LCP2: variants seen among roughly 807,000 people sequenced by gnomAD.
LCP2 encodes lymphocyte cytosolic protein 2, also known as 76 kDa tyrosine phosphoprotein.
In LCP2, 29 loss-of-function variants were observed where a neutral mutation model predicts 74.5. The observed-to-expected ratio is 0.39, with a 90% CI of 0.29 to 0.53. The LOEUF (loss-of-function observed/expected upper bound fraction) is 0.53, where lower values mean the gene tolerates loss of function less well. Ranked by LOEUF, LCP2 falls within the 20% of genes least tolerant of loss-of-function variation. The pLI is 0.72. For missense variants in LCP2, 604 were observed against 634.6 expected, an observed-to-expected ratio of 0.95 and a Z score of 0.52; for synonymous variants, 228 against 229.5, an observed-to-expected ratio of 0.99 and a Z score of 0.06.
At chr5:170,252,596 A>G (rs1311821889) in intron 18 of LCP2, 85 bp from the exon 19 acceptor site, 6 of 661,318 alleles carry the variant, frequency 9.1e-6, no homozygotes, top group Admixed American at 2.6e-5. Flanking sequence ...AATCATTTCC[A>G]TAAATCAACA....
chr5:170,276,352 T>C (rs1762007666), intron 3 of LCP2, among the ~76,000 whole-genome samples: 1 of 152,198 alleles, frequency 6.6e-6, no homozygotes, highest in African/African-American at 2.4e-5. Flanking sequence ...AGATTTCTTA[T>C]CACAACCTCT....
In LCP2 at chr5:170,247,328, A is replaced by G. The variant is rs1302517133; in HGVS notation, c.*1369T>C. ...GAAACACCATTTTTATCATCAGTTAAAAGTCTCTACCTTCTGCATACTCCT... is the reference window on the plus strand; with the variant it reads ...GAAACACCATTTTTATCATCAGTTAGAAGTCTCTACCTTCTGCATACTCCT... On this transcript the variant is annotated 3_prime_UTR_variant, in exon 21 of 21. Transcript: ENST00000046794. The G allele has an allele frequency of 1.3e-5, 2 of 152,214 alleles. No homozygotes were observed. The highest frequency in any genetic ancestry group is 4.8e-5 in the African/African-American group (2 of 41,450). 9.4% of individuals were successfully genotyped at this position (152,214 alleles called of 1,614,324 possible).
At chr5:170,275,632 G>A (rs977821500) in intron 4 of LCP2, 163 bp downstream of exon 4, 4 of 682,722 alleles carry the variant, frequency 5.9e-6, no homozygotes, top group African/African-American at 5.4e-5. Flanking sequence ...TGCAGAGCAG[G>A]GGAGGGAACC....
At chr5:170,258,243 C>A (rs1761593637) in intron 15 of LCP2, 77 bp from the exon 16 acceptor site, 1 of 1,450,908 alleles carries the variant, frequency 6.9e-7, no homozygotes, top group Non-Finnish European at 9.6e-7. Flanking sequence ...AACCGCCCCC[C>A]AGTTAGAAAC....
intron 2 of LCP2, among the ~76,000 whole-genome samples, chr5:170,290,998 AAGAG>A (rs746159566): frequency 0.073 from 6,167 of 84,862 alleles, 187 homozygotes; most frequent in African/African-American, 0.11. Flanking sequence ...GAAAGAAAGA[AAGAG>A]AGAAAGAAAG....
chr5:170,262,632 T>G lies in LCP2; in HGVS notation c.926+3A>C. On this transcript the variant is annotated splice_donor_region_variant and intron_variant, in intron 13 of 20. Transcript: ENST00000046794. ...ACAAGCTCAAGCAACACCAGACAAT[T>G]ACTTTGGCACAGGTGGCTTCTTCCC... The G allele has an allele frequency of 6.2e-7, 1 of 1,606,752 alleles. No individual in the cohort carries two copies. The highest frequency in any genetic ancestry group is 8.5e-7 in the Non-Finnish European group (1 of 1,174,242).
chr5:170,274,968 C>G, intron 5 of LCP2, among the ~76,000 whole-genome samples: 1 of 145,028 alleles, frequency 6.9e-6, no homozygotes, highest in Non-Finnish European at 1.5e-5. Context: ...CAGAGCGAGA[C>G]TCTGTCTCAA....
At position 170,246,341 on chromosome 5, in the gene LCP2, G is replaced by C. The variant is rs1761291986; in HGVS notation, c.*2356C>G. On this transcript the variant is annotated 3_prime_UTR_variant, in exon 21 of 21. Transcript: ENST00000046794. ...GCCATGGGTCACTGCTTATCCTTTAGCTTATGCTTGAATTTGGCTCAGGTT... is the reference window on the plus strand; with the variant it reads ...GCCATGGGTCACTGCTTATCCTTTACCTTATGCTTGAATTTGGCTCAGGTT... 3.1e-6 allele frequency: 1 copy of C among 323,414 alleles called. No homozygotes were observed. 20.0% of individuals were successfully genotyped at this position (323,414 alleles called of 1,614,324 possible). A position where few individuals can be genotyped will look rare whatever the true frequency, so the allele number is the denominator to read the frequency against.
In LCP2 at chr5:170,246,372, A is replaced by G. The variant is rs1031251448; in HGVS notation, c.*2325T>C. ...GCTTGAATTTGGCTCAGGTTGAAAG[A>G]GAGCTACTAAATTATTAATTGATGG... On this transcript the variant is annotated 3_prime_UTR_variant, in exon 21 of 21. Transcript: ENST00000046794. The G allele has an allele frequency of 4.9e-5, 13 of 264,770 alleles. No homozygotes were observed. The highest frequency in any genetic ancestry group is 8.6e-5 in the Non-Finnish European group (12 of 139,990). 16.4% of individuals were successfully genotyped at this position (264,770 alleles called of 1,614,324 possible).
rs149146740 is a variant in LCP2, at chr5:170,270,696, A to C, written c.523+23T>G. 176 of 1,541,490 alleles carry C rather than the reference A, an allele frequency of 1.1e-4. 1 individual carries two copies. In the African/African-American group the frequency reaches 2.3e-3, roughly 20 times the overall value. Reference sequence around the variant, plus strand: ...CTTGCCTTTGGGCTGCTCGGGCCAGAAAATCCGGAAACGGGCCCTTACCGA... The same window carrying C: ...CTTGCCTTTGGGCTGCTCGGGCCAGCAAATCCGGAAACGGGCCCTTACCGA... On this transcript the variant is annotated intron_variant, in intron 7 of 20. Coordinates refer to ENST00000046794, the MANE Select transcript of LCP2 (RefSeq NM_005565.5).
intron 4 of LCP2, 136 bp downstream of exon 4, chr5:170,275,659 C>T: frequency 1.3e-6 from 1 of 773,232 alleles, no homozygotes; most frequent in East Asian, 2.7e-5. Context: ...CCTCGTTGGA[C>T]ACCATCTTCC....
intron 1 of LCP2, among the ~76,000 whole-genome samples, chr5:170,294,196 G>A (rs1762334230): frequency 6.6e-6 from 1 of 152,144 alleles, no homozygotes; most frequent in Non-Finnish European, 1.5e-5. Context: ...TATACAGTAA[G>A]TAAAATGAGC....
Position 170,248,938 on chromosome 5 carries a change from G to A in LCP2, c.1480-119C>T, listed in dbSNP as rs927896650. ...CTTCAAGTGATGAGGATTGTGGGGG[G>A]AAAAAATGTAAATGTGGCAATTAGT... On this transcript the variant is annotated intron_variant, in intron 20 of 20. Coordinates refer to ENST00000046794, the MANE Select transcript of LCP2 (RefSeq NM_005565.5). 335 of 992,254 alleles carry A rather than the reference G, an allele frequency of 3.4e-4. No individual in the cohort carries two copies. The African/African-American group carries it at 4.7e-3, about 14-fold the overall frequency. The allele number at this position is 992,254 out of a possible 1,614,324, so 61.5% of individuals were successfully genotyped here.
At chr5:170,291,420 A>G (rs1442035528) in intron 2 of LCP2, among the ~76,000 whole-genome samples, 1 of 152,212 alleles carries the variant, frequency 6.6e-6, no homozygotes, top group South Asian at 2.1e-4. Flanking sequence ...TACATCCCCC[A>G]GTTGCAGGGA....
intron 3 of LCP2, among the ~76,000 whole-genome samples, chr5:170,283,244 G>A (rs1423929468): frequency 6.6e-6 from 1 of 152,100 alleles, no homozygotes; most frequent in African/African-American, 2.4e-5. Flanking sequence ...TTTCCAGAGA[G>A]CTAAAGAAAG....
chr5:170,297,776 C>T lies in LCP2; in HGVS notation c.-165G>A, dbSNP rs2113224334. The T allele has an allele frequency of 1.9e-6, 1 of 513,150 alleles. No individual in the cohort carries two copies. Among genetic ancestry groups the T allele is most frequent in the East Asian group, 3.2e-5 (1 of 31,220 alleles). The allele number at this position is 513,150 out of a possible 1,614,324, so 31.8% of individuals were successfully genotyped here. A position where few individuals can be genotyped will look rare whatever the true frequency, so the allele number is the denominator to read the frequency against. ...ATGTCTTTTCTGGCGTAGCCAGATCCCAGAAAGCAACGGCTTCCTCTGCGA... is the reference window on the plus strand; with the variant it reads ...ATGTCTTTTCTGGCGTAGCCAGATCTCAGAAAGCAACGGCTTCCTCTGCGA... On this transcript the variant is annotated 5_prime_UTR_variant, in exon 1 of 21. Coordinates refer to ENST00000046794, the MANE Select transcript of LCP2 (RefSeq NM_005565.5).
chr5:170,252,965 G>A (rs1761478798), intron 18 of LCP2, among the ~76,000 whole-genome samples, 154 bp downstream of exon 18: 1 of 152,094 alleles, frequency 6.6e-6, no homozygotes, highest in Admixed American at 6.6e-5. Context: ...AGAACATATT[G>A]TTCATCTGGA....
At chr5:170,276,139 C>T (rs972694180) in intron 3 of LCP2, among the ~76,000 whole-genome samples, 1 of 152,170 alleles carries the variant, frequency 6.6e-6, no homozygotes, top group Non-Finnish European at 1.5e-5. Context: ...TCAGAGCTCC[C>T]CCTTAAAGAC....
chr5:170,268,370 C>T lies in LCP2; in HGVS notation c.621+15G>A, dbSNP rs538651793. On this transcript the variant is annotated intron_variant, in intron 8 of 20. Transcript: ENST00000046794. Reference sequence around the variant, plus strand: ...GTGGACACCAAGTACTGTAAAAGAACGGGAGGAGGCCTACCGAGTGATTCC... The same window carrying T: ...GTGGACACCAAGTACTGTAAAAGAATGGGAGGAGGCCTACCGAGTGATTCC... 5 of 507,734 alleles carry T rather than the reference C, an allele frequency of 9.8e-6. No individual in the cohort carries two copies. The highest frequency in any genetic ancestry group is 1.1e-5 in the Non-Finnish European group (4 of 369,490). 31.5% of individuals were successfully genotyped at this position (507,734 alleles called of 1,614,324 possible).
Sources: gnomAD v4.1 joint callset for allele counts (sites outside exome capture counted in the v4.1 genomes callset) on GRCh38, gnomAD v4.1.1 for gene constraint, MANE v1.5 for transcripts, NCBI Gene and HGNC (gene_info 2026-07-23, HGNC 2026-07-21) for gene names.